Variants in STAU1 observed in about 807,000 individuals in gnomAD.
STAU1 encodes the protein staufen double-stranded RNA binding protein 1, also known as double-stranded RNA-binding protein Staufen homolog 1.
A neutral mutation model predicts 62.9 loss-of-function variants in STAU1; 13 were observed. The ratio of observed to expected loss-of-function variants is 0.21; its 90% CI spans 0.13 to 0.33. The LOEUF is 0.33. STAU1 is among the 10% of genes least tolerant of loss of function. STAU1 has a pLI of 1.00. For missense variants in STAU1, 571 were observed against 712.1 expected (o/e 0.80, Z 2.25); for synonymous variants, 269 against 265.1 (o/e 1.01, Z -0.14).
intron 6 of STAU1, among the ~76,000 whole-genome samples, chr20:49,127,104 C>G (rs534615942): frequency 5.3e-4 from 80 of 152,290 alleles, no homozygotes; most frequent in African/African-American, 1.8e-3. Context: ...CCTGTAATCC[C>G]AGCACTTTGG....
the STAU1 span, among the ~76,000 whole-genome samples, chr20:49,215,049 T>A: frequency 6.6e-6 from 1 of 152,214 alleles, no homozygotes; most frequent in African/African-American, 2.4e-5. Flanking sequence ...TACATGGCTG[T>A]GCTCCCTAAA....
the STAU1 span, among the ~76,000 whole-genome samples, chr20:49,195,143 A>G: frequency 1.3e-5 from 2 of 152,216 alleles, no homozygotes; most frequent in African/African-American, 4.8e-5. Flanking sequence ...ATAAACTGGA[A>G]AAAATTTGCA....
chr20:49,207,728 G>A, the STAU1 span, among the ~76,000 whole-genome samples: 15 of 151,344 alleles, frequency 9.9e-5, 1 homozygote, highest in South Asian at 8.3e-4. Flanking sequence ...CACTGTGTTG[G>A]CCAAGCTGGT....
chr20:49,146,036 G>A (rs2093124094), intron 5 of STAU1, among the ~76,000 whole-genome samples: 2 of 152,232 alleles, frequency 1.3e-5, no homozygotes, highest in Admixed American at 6.5e-5. Flanking sequence ...GGGAGGCCGA[G>A]GCAGGTGGTG....
intron 9 of STAU1, among the ~76,000 whole-genome samples, 185 bp from the exon 10 acceptor site, chr20:49,118,593 C>T (rs6019645): frequency 6.6e-6 from 1 of 152,198 alleles, no homozygotes; most frequent in Admixed American, 6.5e-5. Context: ...CCTCCTTCTC[C>T]TAATGCACCC....
chr20:49,153,768 G>C lies in STAU1; in HGVS notation c.344+165C>G, dbSNP rs1449592049. Among the ~76,000 whole-genome samples the C allele has an allele frequency of 5.3e-5, 8 of 149,858 alleles. No individual in the cohort carries two copies. The East Asian group carries it at 7.8e-4, about 15-fold the overall frequency. On this transcript the variant is annotated intron_variant, in intron 4 of 13. Transcript: ENST00000371856. The stretch of plus-strand genomic sequence containing the variant: ...GAAAGAAAGAAAAAAAAGAAAAGGC[G>C]GGGGAGGGGCACAAAGGCACAAGAG...
At chr20:49,209,042 T>A in the STAU1 span, among the ~76,000 whole-genome samples, 91 of 151,848 alleles carry the variant, frequency 6.0e-4, no homozygotes, top group Non-Finnish European at 1.0e-3. Flanking sequence ...CTCAAGTGAT[T>A]CTCCTACCTC....
chr20:49,151,573 A>C lies in STAU1; in HGVS notation c.510+9T>G, dbSNP rs1568884439. The C allele has an allele frequency of 1.3e-6, 2 of 1,586,676 alleles. No individual in the cohort carries two copies. Among genetic ancestry groups the C allele is most frequent in the Non-Finnish European group, 1.7e-6 (2 of 1,168,648 alleles). On this transcript the variant is annotated intron_variant, in intron 5 of 13. Coordinates refer to ENST00000371856, the MANE Select transcript of STAU1 (RefSeq NM_017453.4). ...CGAAGCGTCAGGGAGCCTGGGCTCA[A>C]CTCCTCACCTCCAGCCTCTCTGGCA...
At chr20:49,171,877 A>G (rs2093601735) in intron 2 of STAU1, among the ~76,000 whole-genome samples, 1 of 151,982 alleles carries the variant, frequency 6.6e-6, no homozygotes, top group Admixed American at 6.6e-5. Context: ...AAATCACCCA[A>G]TAATAAAACG....
chr20:49,213,114 T>G, the STAU1 span, among the ~76,000 whole-genome samples: 1 of 152,150 alleles, frequency 6.6e-6, no homozygotes, highest in Admixed American at 6.6e-5. Flanking sequence ...CAGGCAATCC[T>G]CCTGCCTCAG....
the STAU1 span, among the ~76,000 whole-genome samples, chr20:49,195,026 A>G: frequency 2.0e-5 from 3 of 152,192 alleles, no homozygotes; most frequent in African/African-American, 4.8e-5. Context: ...TGAAGTGGAG[A>G]AGACTCTTTT....
At position 49,117,201 on chromosome 20, in the gene STAU1, A is replaced by G. The variant is rs1159865856; in HGVS notation, c.1557T>C (p.Ser519=). Residue 519 remains serine, a synonymous_variant, in exon 12 of 14, where the codon TCT becomes TCC. Transcript: ENST00000371856. This position sits in a 1 kb window ranked among gnomAD's most constrained non-coding sequence, Gnocchi z 4.6. ...FPKNNKNEFV[S]LINCSSQPPL... ...GTGGCTGAGAGGAGCAATTGATAAG[A>G]GATACAAATTCGTTCTTGTTGTTTT... The G allele has an allele frequency of 6.2e-7, 1 of 1,614,022 alleles. No individual in the cohort carries two copies. Among genetic ancestry groups the G allele is most frequent in the Non-Finnish European group, 8.5e-7 (1 of 1,180,016 alleles).
intron 5 of STAU1, among the ~76,000 whole-genome samples, chr20:49,147,512 G>A (rs555668231): frequency 2.0e-5 from 3 of 152,292 alleles, no homozygotes; most frequent in Non-Finnish European, 2.9e-5. Flanking sequence ...GTGGACAGAC[G>A]GGCTGCTTAT....
At chr20:49,163,213 T>A (rs2093476178) in intron 3 of STAU1, among the ~76,000 whole-genome samples, 1 of 151,910 alleles carries the variant, frequency 6.6e-6, no homozygotes, top group Admixed American at 6.6e-5. Flanking sequence ...AAATTGACAC[T>A]GACACCCCAT....
intron 5 of STAU1, among the ~76,000 whole-genome samples, chr20:49,145,159 C>T (rs1478308386): frequency 6.6e-6 from 1 of 152,202 alleles, no homozygotes; most frequent in Admixed American, 6.5e-5. Context: ...GGCGTGGTGG[C>T]TCACGCCTGT....
chr20:49,196,968 GC>G, the STAU1 span, among the ~76,000 whole-genome samples: 1 of 151,916 alleles, frequency 6.6e-6, no homozygotes, highest in Non-Finnish European at 1.5e-5. Context: ...ACCAGCCTGG[GC>G]AACATGGTGA....
intron 1 of STAU1, among the ~76,000 whole-genome samples, chr20:49,179,853 T>G (rs1183644363): frequency 6.6e-6 from 1 of 152,218 alleles, no homozygotes; most frequent in South Asian, 2.1e-4. Flanking sequence ...CCAAGGGGTA[T>G]TTCCAACACC....
chr20:49,149,288 A>ACACACC (rs768940346), intron 5 of STAU1, among the ~76,000 whole-genome samples: 5 of 150,864 alleles, frequency 3.3e-5, no homozygotes, highest in African/African-American at 1.2e-4. Flanking sequence ...ACACACACAC[A>ACACACC]CACCAGCAAG....
the STAU1 span, among the ~76,000 whole-genome samples, chr20:49,216,098 T>A: frequency 2.0e-5 from 3 of 147,596 alleles, no homozygotes; most frequent in African/African-American, 7.6e-5. Context: ...TGCTTTGAAT[T>A]GGGGGGCATA....
Sources: gnomAD v4.1 joint callset for allele counts (sites outside exome capture counted in the v4.1 genomes callset) on GRCh38, gnomAD v4.1.1 for gene constraint, Gnocchi (gnomAD v3.1) non-coding constraint, MANE v1.5 for transcripts, NCBI Gene and HGNC (gene_info 2026-07-23, HGNC 2026-07-21) for gene names.